Variants in VPS13D observed in about 807,000 individuals in gnomAD.
The protein encoded by VPS13D is vacuolar protein sorting 13 homolog D.
Under a neutral mutation model 461.9 loss-of-function variants are expected in VPS13D, and 187 were observed. The ratio of observed to expected loss-of-function variants is 0.40; its 90% confidence interval spans 0.36 to 0.46. The LOEUF is 0.46. VPS13D is among the 20% of genes least tolerant of loss of function. The pLI, the probability that VPS13D is intolerant of heterozygous loss-of-function variation, is 0.60. For missense variants in VPS13D, 4,711 were observed against 5,364.9 expected (o/e 0.88, Z 3.81); for synonymous variants, 1,951 against 1,986.3 (o/e 0.98, Z 0.47).
At chr1:12,423,834 T>C (rs1362781641) in intron 65 of VPS13D, among the ~76,000 whole-genome samples, 1 of 152,232 alleles carries the variant, frequency 6.6e-6, no homozygotes, top group East Asian at 1.9e-4. Flanking sequence ...CATTTTTTGT[T>C]GTTGTTTACT....
In VPS13D at chr1:12,379,522, A is replaced by G. The variant is rs1175869501; in HGVS notation, c.11116A>G (p.Arg3706Gly). 1.2e-6 allele frequency: 2 copies of G among 1,613,332 alleles called. No homozygotes were observed. The highest frequency in any genetic ancestry group is 1.3e-5 in the African/African-American group (1 of 75,000). Residue 3706 changes from arginine (R) to glycine (G), a missense_variant, in exon 57 of 70, where the codon AGG becomes GGG. Physicochemically the swap from Arg to Gly is moderately radical, Grantham distance 125 (BLOSUM62 -2). Around this residue, in one of 3 missense-constraint regions of VPS13D, gnomAD observed 4,411 missense variants for 4,937.8 expected, o/e 0.89. Transcript: ENST00000620676. ...EPLMLRKPDRRRSTTQTWSFR... is the reference protein window; with the variant it reads ...EPLMLRKPDRGRSTTQTWSFR... The stretch of plus-strand genomic sequence containing the variant: ...ACTGATGCTGAGAAAGCCTGACCGC[A>G]GGCGAAGCACAACTCAGACGTGGAG...
intron 21 of VPS13D, among the ~76,000 whole-genome samples, chr1:12,285,944 T>G (rs1051043728): frequency 3.2e-5 from 3 of 93,882 alleles, no homozygotes; most frequent in Non-Finnish European, 6.2e-5. Flanking sequence ...TTTCCTTTCC[T>G]TTCCTTTCCT....
intron 2 of VPS13D, among the ~76,000 whole-genome samples, chr1:12,239,932 T>A (rs555350012): frequency 6.6e-6 from 1 of 152,156 alleles, no homozygotes; most frequent in East Asian, 1.9e-4. Context: ...TGACCTGCAT[T>A]ATCATTTATA....
At chr1:12,268,658 T>C in intron 15 of VPS13D, 48 bp from the exon 16 acceptor site, 1 of 1,572,476 alleles carries the variant, frequency 6.4e-7, no homozygotes. Flanking sequence ...TTAATAAGGC[T>C]ATAGTTTTTG....
At chr1:12,328,206 T>C (rs903736851) in intron 36 of VPS13D, among the ~76,000 whole-genome samples, 7 of 152,112 alleles carry the variant, frequency 4.6e-5, no homozygotes, top group Non-Finnish European at 8.8e-5. Flanking sequence ...ACAATAATGG[T>C]TCTGTTGTAT....
At chr1:12,410,294 T>C (rs985039420) in intron 63 of VPS13D, among the ~76,000 whole-genome samples, 19 of 152,202 alleles carry the variant, frequency 1.2e-4, no homozygotes, top group African/African-American at 4.1e-4. Context: ...AGGAATGGCA[T>C]TGGTTTTCGT....
rs898342765 is a variant in VPS13D at position 12,261,754 on chromosome 1, A to G, written c.1415-147A>G. 6.1e-6 allele frequency: 4 copies of G among 660,260 alleles called. No homozygotes were observed. In the Admixed American group the frequency reaches 1.2e-4, roughly 20 times the overall value. 40.9% of individuals were successfully genotyped at this position (660,260 alleles called of 1,614,324 possible). A position where few individuals can be genotyped will look rare whatever the true frequency, so the allele number is the denominator to read the frequency against. On this transcript the variant is annotated intron_variant, in intron 12 of 69. Transcript: ENST00000620676. ...GTTGTTTTACATTAGGAAATATTAT[A>G]AAATAGTCACCCATGACTTTGGAGT...
intron 32 of VPS13D, among the ~76,000 whole-genome samples, chr1:12,320,961 CAT>C (rs939229457): frequency 2.9e-4 from 44 of 152,286 alleles, no homozygotes; most frequent in African/African-American, 1.0e-3. Context: ...CTTGCTGTCA[CAT>C]GTTTTTCACA....
At chr1:12,273,806 G>A (rs1557678374) in intron 18 of VPS13D, among the ~76,000 whole-genome samples, 1 of 152,098 alleles carries the variant, frequency 6.6e-6, no homozygotes, top group Non-Finnish European at 1.5e-5. Flanking sequence ...ATTTGTTCAT[G>A]GCCATTTGAG....
In VPS13D at chr1:12,495,951, C is replaced by T. The variant is rs1023679655; in HGVS notation, c.12663-1549C>T. On this transcript the variant is annotated intron_variant, in intron 67 of 69. Coordinates refer to ENST00000620676, the MANE Select transcript of VPS13D (RefSeq NM_015378.4). The surrounding 1 kb of genome is among the most constrained non-coding windows in gnomAD (Gnocchi z 4.0). The stretch of plus-strand genomic sequence containing the variant: ...CCTGCAGAGGTTACCAGCATCCTCT[C>T]GGCAGCAGTCGTCCAGCTTCTCTCC... Among the ~76,000 whole-genome samples the T allele has an allele frequency of 5.9e-5, 9 of 152,228 alleles. No homozygotes were observed. Among genetic ancestry groups the T allele is most frequent in the Admixed American group, 5.2e-4 (8 of 15,278 alleles).
intron 60 of VPS13D, among the ~76,000 whole-genome samples, chr1:12,390,891 G>A (rs1213655847): frequency 6.6e-6 from 1 of 152,140 alleles, no homozygotes; most frequent in Non-Finnish European, 1.5e-5. Flanking sequence ...GAAAGAGGCC[G>A]AGTGGTGTCC....
chr1:12,379,878 C>T (rs1240293327), intron 57 of VPS13D, among the ~76,000 whole-genome samples: 1 of 151,904 alleles, frequency 6.6e-6, no homozygotes, highest in Non-Finnish European at 1.5e-5. Flanking sequence ...ACGCCATTCT[C>T]CTTCCTCAGC....
chr1:12,408,067 G>T (rs1644678554), intron 63 of VPS13D, among the ~76,000 whole-genome samples: 1 of 152,240 alleles, frequency 6.6e-6, no homozygotes, highest in South Asian at 2.1e-4. Context: ...CAGTTTCTCC[G>T]ACAGTGAAAT....
At chr1:12,433,809 C>T (rs1645023846) in intron 65 of VPS13D, among the ~76,000 whole-genome samples, 1 of 152,126 alleles carries the variant, frequency 6.6e-6, no homozygotes, top group Non-Finnish European at 1.5e-5. Context: ...CACTTAGACC[C>T]CACTGCCTGG....
intron 25 of VPS13D, among the ~76,000 whole-genome samples, chr1:12,304,016 A>G (rs912763186): frequency 5.3e-5 from 8 of 152,194 alleles, no homozygotes; most frequent in African/African-American, 1.7e-4. Context: ...TCATTTCTAC[A>G]GTTACTTAGA....
Position 12,253,753 on chromosome 1 carries a change from A to G in VPS13D, c.596A>G (p.Asp199Gly), listed in dbSNP as rs1456727242. ...AAACTAATGCGGAAAAAGCAATTAG[A>G]CGTAGCAGAATTTAGCATCTATTGG... ...VQKLMRKKQL[D>G]VAEFSIYWDV... Residue 199 changes from aspartate (D) to glycine (G), a missense_variant, in exon 7 of 70, where the codon GAC becomes GGC. Asp to Gly is a moderately conservative substitution (Grantham distance 94, BLOSUM62 -1). Transcript: ENST00000620676. 6.2e-7 allele frequency: 1 copy of G among 1,614,168 alleles called. No homozygotes were observed.
chr1:12,315,546 C>T (rs1317947393), intron 30 of VPS13D, among the ~76,000 whole-genome samples: 1 of 152,132 alleles, frequency 6.6e-6, no homozygotes, highest in Non-Finnish European at 1.5e-5. Context: ...ATGACTTCTT[C>T]CTCATTTTGC....
chr1:12,255,044 CA>C, intron 7 of VPS13D, among the ~76,000 whole-genome samples: 1 of 151,512 alleles, frequency 6.6e-6, no homozygotes, highest in Middle Eastern at 3.4e-3. Context: ...CTCCCGGGTT[CA>C]AGTGATTCTC....
At chr1:12,339,070 G>A (rs965073365) in intron 40 of VPS13D, among the ~76,000 whole-genome samples, 7 of 151,932 alleles carry the variant, frequency 4.6e-5, no homozygotes, top group African/African-American at 1.7e-4. Flanking sequence ...ATAGAACAGG[G>A]ATGTTAATAC....
Sources: allele counts gnomAD v4.1 joint callset (sites outside exome capture counted in the v4.1 genomes callset), GRCh38; gene constraint gnomAD v4.1.1; regional missense constraint gnomAD v4.1.1; non-coding constraint Gnocchi (gnomAD v3.1); transcripts MANE v1.5; gene names NCBI Gene and HGNC (gene_info 2026-07-23, HGNC 2026-07-21).